The following LINGO2 variants were observed in gnomAD, a reference collection of about 807,000 sequenced individuals.
The protein encoded by LINGO2 is leucine rich repeat and Ig domain containing 2, also known as leucine-rich repeat and immunoglobulin-like domain-containing nogo receptor-interacting protein 2.
LINGO2 carries 14 observed loss-of-function variants against 30.6 expected under a neutral mutation model. The observed-to-expected ratio is 0.46, with a 90% CI of 0.30 to 0.72. The LOEUF (loss-of-function observed/expected upper bound fraction) is 0.72, where lower values mean the gene tolerates loss of function less well. LINGO2 is among the 30% of genes least tolerant of loss of function. The pLI, the probability that LINGO2 is intolerant of heterozygous loss-of-function variation, is 0.07. For synonymous variants in LINGO2, 317 were observed against 288.5 expected, an observed-to-expected ratio of 1.10 and a Z score of -1.00; for missense variants, 729 against 751.7, an observed-to-expected ratio of 0.97 and a Z score of 0.35.
the LINGO2 span, among the ~76,000 whole-genome samples, chr9:29,125,252 G>T: frequency 1.3e-5 from 2 of 152,020 alleles, no homozygotes; most frequent in African/African-American, 4.8e-5. Flanking sequence ...ACACACCAAG[G>T]CTTGTCAGGG....
chr9:28,017,568 G>A (rs953109681), intron 4 of LINGO2, among the ~76,000 whole-genome samples: 4 of 151,794 alleles, frequency 2.6e-5, no homozygotes, highest in Admixed American at 1.3e-4. Context: ...TCTATATATC[G>A]GCAACATCCA....
intron 4 of LINGO2, among the ~76,000 whole-genome samples, chr9:28,278,461 A>C (rs1280608988): frequency 3.3e-5 from 5 of 152,186 alleles, no homozygotes. Context: ...TTAGGGGCTA[A>C]TGCAGCTGGT....
At chr9:28,995,177 AAAAC>A in the LINGO2 span, among the ~76,000 whole-genome samples, 1 of 152,216 alleles carries the variant, frequency 6.6e-6, no homozygotes, top group Non-Finnish European at 1.5e-5. Flanking sequence ...TTACAAGAAA[AAAAC>A]AAACAACCCC....
At chr9:29,054,993 T>G in the LINGO2 span, among the ~76,000 whole-genome samples, 1 of 151,994 alleles carries the variant, frequency 6.6e-6, no homozygotes, top group Non-Finnish European at 1.5e-5. Flanking sequence ...CCGAGGCAGG[T>G]GGATCACCTG....
At chr9:28,253,742 T>C (rs936736375) in intron 4 of LINGO2, among the ~76,000 whole-genome samples, 1 of 152,130 alleles carries the variant, frequency 6.6e-6, no homozygotes, top group African/African-American at 2.4e-5. Context: ...CTTCCCTTCC[T>C]GGTCTCAGGT....
chr9:28,531,285 A>G lies in LINGO2; in HGVS notation c.-364-55260T>C, dbSNP rs887045637. Among the ~76,000 whole-genome samples, 8 of 152,070 alleles carry G rather than the reference A, an allele frequency of 5.3e-5. No homozygotes were observed. The East Asian group carries it at 5.8e-4, about 11-fold the overall frequency. The stretch of plus-strand genomic sequence containing the variant: ...TCTTTTACAAGTATCCCAGGGCCAC[A>G]GCAACCTCTGTCCCTTCCATCCCAC... On this transcript the variant is annotated intron_variant, in intron 1 of 5. Transcript: ENST00000379992.
At chr9:28,472,605 C>T (rs1030473301) in intron 2 of LINGO2, among the ~76,000 whole-genome samples, 1 of 152,108 alleles carries the variant, frequency 6.6e-6, no homozygotes, top group Non-Finnish European at 1.5e-5. Flanking sequence ...AAACCCTTTC[C>T]ATTTATTTCT....
At chr9:28,952,577 G>A in the LINGO2 span, among the ~76,000 whole-genome samples, 1 of 152,086 alleles carries the variant, frequency 6.6e-6, no homozygotes, top group African/African-American at 2.4e-5. Flanking sequence ...TAGAAACTGC[G>A]AGGACTTGCA....
At chr9:29,147,982 T>C in the LINGO2 span, among the ~76,000 whole-genome samples, 1 of 152,184 alleles carries the variant, frequency 6.6e-6, no homozygotes, top group South Asian at 2.1e-4. Context: ...AAAATTATAT[T>C]TTACAAAAAT....
At chr9:29,014,499 C>T in the LINGO2 span, among the ~76,000 whole-genome samples, 3 of 151,912 alleles carry the variant, frequency 2.0e-5, no homozygotes, top group African/African-American at 7.3e-5. Context: ...CTTTATAACA[C>T]TATGAAGTGA....
At position 28,289,878 on chromosome 9, in the gene LINGO2, C is replaced by T. The variant is rs562121646; in HGVS notation, c.-87+5330G>A. 3.3e-4 allele frequency among the ~76,000 whole-genome samples: 51 copies of T among 152,310 alleles called. No homozygotes were observed. In the South Asian group the frequency reaches 0.01, roughly 31 times the overall value. On this transcript the variant is annotated intron_variant, in intron 4 of 5. Coordinates refer to ENST00000379992, the Ensembl canonical transcript of LINGO2. Reference sequence around the variant, plus strand: ...GCAGGACAAAGAGGTATTCCCTCCACATTGTAATTCAGGAATGCCAGAAAA... The same window carrying T: ...GCAGGACAAAGAGGTATTCCCTCCATATTGTAATTCAGGAATGCCAGAAAA...
the LINGO2 span, among the ~76,000 whole-genome samples, chr9:28,703,781 T>C: frequency 6.6e-5 from 10 of 152,108 alleles, no homozygotes; most frequent in Middle Eastern, 3.4e-3. Context: ...CAGTTACAAC[T>C]AATTCAAGTC....
chr9:28,891,896 A>G, the LINGO2 span, among the ~76,000 whole-genome samples: 1 of 152,040 alleles, frequency 6.6e-6, no homozygotes, highest in African/African-American at 2.4e-5. Flanking sequence ...AGGCACTTAA[A>G]AGTTTATATG....
At chr9:28,001,946 A>C (rs1197944) in intron 5 of LINGO2, among the ~76,000 whole-genome samples, 1 of 152,152 alleles carries the variant, frequency 6.6e-6, no homozygotes, top group African/African-American at 2.4e-5. Flanking sequence ...AAAACTTGCC[A>C]CACCACACAG....
chr9:28,876,504 G>A, the LINGO2 span, among the ~76,000 whole-genome samples: 55 of 151,804 alleles, frequency 3.6e-4, no homozygotes, highest in East Asian at 2.9e-3. Flanking sequence ...CGTGGTGTTT[G>A]GTTTTTTGTC....
the LINGO2 span, among the ~76,000 whole-genome samples, chr9:29,004,107 T>G: frequency 6.6e-6 from 1 of 151,996 alleles, no homozygotes; most frequent in Admixed American, 6.6e-5. Context: ...CCACAAAGAT[T>G]TAATTAAATA....
intron 4 of LINGO2, among the ~76,000 whole-genome samples, chr9:28,223,481 C>G (rs113945185): frequency 3.3e-5 from 5 of 152,332 alleles, no homozygotes; most frequent in African/African-American, 9.6e-5. Context: ...CAGAGTTACA[C>G]TGGCCATTAA....
the LINGO2 span, among the ~76,000 whole-genome samples, chr9:29,209,940 G>C: frequency 6.6e-6 from 1 of 151,934 alleles, no homozygotes; most frequent in Non-Finnish European, 1.5e-5. Flanking sequence ...TGCATATAGT[G>C]ACCTCCTCTC....
the LINGO2 span, among the ~76,000 whole-genome samples, chr9:28,777,025 C>T: frequency 3.9e-5 from 6 of 152,038 alleles, no homozygotes; most frequent in East Asian, 1.9e-4. Context: ...GTGTGTGGCA[C>T]GTCCCCCTTT....
Sources: allele counts gnomAD v4.1 joint callset (sites outside exome capture counted in the v4.1 genomes callset), GRCh38; gene constraint gnomAD v4.1.1; transcripts MANE v1.5; gene names NCBI Gene and HGNC (gene_info 2026-07-23, HGNC 2026-07-21).